Variants in NRK observed in about 807,000 individuals in gnomAD.
NRK encodes the protein Nik related kinase.
Under a neutral mutation model 125.2 loss-of-function variants are expected in NRK, and 67 were observed. That is an observed-to-expected ratio of 0.54 (90% confidence interval 0.44 to 0.66). The LOEUF is 0.66. Ranked by LOEUF, NRK falls within the 30% of genes least tolerant of loss-of-function variation. NRK has a pLI of 0.00. For missense variants in NRK, 1,224 were observed against 1,192.9 expected, an observed-to-expected ratio of 1.03 and a Z score of -0.38; for synonymous variants, 458 against 429.0, an observed-to-expected ratio of 1.07 and a Z score of -0.84.
intron 19 of NRK, among the ~76,000 whole-genome samples, chrX:105,933,321 G>C (rs989546549): frequency 9.0e-6 from 1 of 111,440 alleles, no homozygotes; most frequent in African/African-American, 3.3e-5. Context: ...AGAGGAAGTG[G>C]ATCTTCCTTT....
chrX:105,928,077 C>T (rs1299706442), intron 19 of NRK, among the ~76,000 whole-genome samples: 1 of 111,405 alleles, frequency 9.0e-6, no homozygotes, highest in Non-Finnish European at 1.9e-5. Flanking sequence ...ATTAGTTCCT[C>T]TTTAAATCTT....
chrX:105,909,797 A>G lies in NRK; in HGVS notation c.2156A>G (p.Asp719Gly), dbSNP rs2040273838. ...SWRPEKLELSDLEARRQRRQR... is the reference protein window; with the variant it reads ...SWRPEKLELSGLEARRQRRQR... ...AGACCTGAAAAGCTTGAACTCTCGG[A>G]TTTAGAAGCCCGCAGGCAAAGGCGC... Residue 719 changes from aspartate to glycine, a missense_variant, in exon 13 of 29, where the codon GAT becomes GGT. Asp to Gly is a moderately conservative substitution (Grantham distance 94). Coordinates refer to ENST00000243300, the MANE Select transcript of NRK (RefSeq NM_198465.4). 1 of 1,181,592 alleles carries G rather than the reference A, an allele frequency of 8.5e-7. No individual in the cohort carries two copies. The highest frequency in any genetic ancestry group is 1.1e-6 in the Non-Finnish European group (1 of 880,174).
chrX:105,920,673 C>T (rs1174348546), intron 16 of NRK, among the ~76,000 whole-genome samples: 1 of 109,928 alleles, frequency 9.1e-6, no homozygotes, highest in African/African-American at 3.3e-5. Flanking sequence ...GGGCGAAGGA[C>T]ATGAACAGAC....
intron 27 of NRK, among the ~76,000 whole-genome samples, chrX:105,952,607 T>C (rs1174115221): frequency 1.8e-5 from 2 of 111,741 alleles, no homozygotes; most frequent in South Asian, 3.7e-4. Flanking sequence ...TTTTTGAGAG[T>C]CAGGTTTTCA....
chrX:105,941,165 G>A (rs1265735200), intron 23 of NRK, among the ~76,000 whole-genome samples: 8 of 111,341 alleles, frequency 7.2e-5, no homozygotes, highest in Non-Finnish European at 1.5e-4. Context: ...AGTTCAGTAA[G>A]AGATAGTCAC....
intron 16 of NRK, among the ~76,000 whole-genome samples, chrX:105,921,277 A>G (rs1488755699): frequency 9.7e-6 from 1 of 102,615 alleles, no homozygotes; most frequent in Admixed American, 1.1e-4. Flanking sequence ...TGGGAATTGA[A>G]CAATGAGATC....
At chrX:105,880,713 T>C (rs982255687) in intron 3 of NRK, among the ~76,000 whole-genome samples, 3 of 111,546 alleles carry the variant, frequency 2.7e-5, no homozygotes, top group African/African-American at 9.7e-5. Flanking sequence ...GAAATGCACA[T>C]TTTTCATGTA....
At position 105,912,711 on chromosome X, in the gene NRK, A is replaced by G; in HGVS notation, c.2305A>G (p.Ile769Val). The G allele has an allele frequency of 5.3e-6, 6 of 1,125,443 alleles. No individual in the cohort carries two copies. The highest frequency in any genetic ancestry group is 6.0e-6 in the Non-Finnish European group (5 of 839,611). 92.7% of individuals were successfully genotyped at this position (1,125,443 alleles called of 1,213,427 possible). A position where few individuals can be genotyped will look rare whatever the true frequency, so the allele number is the denominator to read the frequency against. The change falls in exon 14 of 29, where the codon ATA (isoleucine) becomes GTA (valine). Residue 769 changes from isoleucine to valine, a missense_variant. Coordinates refer to ENST00000243300, the MANE Select transcript of NRK (RefSeq NM_198465.4). ...VFHSIQAEVQIEPLKPYISNP... is the reference protein window; with the variant it reads ...VFHSIQAEVQVEPLKPYISNP... ...TCATTCGATTCAGGCTGAAGTCCAG[A>G]TAGAGCCATTGAAGCCATACATTTC...
At chrX:105,902,966 C>T (rs188852980) in intron 9 of NRK, among the ~76,000 whole-genome samples, 32 of 111,358 alleles carry the variant, frequency 2.9e-4, no homozygotes, top group Middle Eastern at 4.6e-3. Context: ...CACTTGTAAA[C>T]CAGGAACCCC....
intron 2 of NRK, among the ~76,000 whole-genome samples, chrX:105,858,269 G>T (rs2039557202): frequency 9.1e-6 from 1 of 110,203 alleles, no homozygotes; most frequent in South Asian, 3.8e-4. Context: ...TGGTGATTAT[G>T]TGACTGCATG....
At chrX:105,947,106 CA>C (rs1480736622) in intron 26 of NRK, among the ~76,000 whole-genome samples, 1 of 111,585 alleles carries the variant, frequency 9.0e-6, no homozygotes, top group Non-Finnish European at 1.9e-5. Context: ...AATTTCTGAT[CA>C]AAAGATTCAG....
In NRK at chrX:105,826,281, A is replaced by AT. The variant is rs1488520938; in HGVS notation, c.57+3379_57+3380insT. 7.5e-5 allele frequency among the ~76,000 whole-genome samples: 5 copies of AT among 66,506 alleles called. No individual in the cohort carries two copies. The East Asian group carries it at 1.2e-3, about 15-fold the overall frequency. 57.8% of individuals were successfully genotyped at this position (66,506 alleles called of 115,157 possible). On this transcript the variant is annotated intron_variant, in intron 1 of 28. Transcript: ENST00000243300. ...ATATATTTCATATATAATATATATG[A>AT]AATATATATTATCATATATATAATA...
intron 8 of NRK, 116 bp from the exon 9 acceptor site, chrX:105,900,502 C>T (rs971025026): frequency 6.2e-6 from 3 of 483,330 alleles, no homozygotes; most frequent in African/African-American, 4.8e-5. Context: ...TATGGGAAAC[C>T]CATAAAAGAG....
At chrX:105,922,249 G>A (rs2147767200) in intron 17 of NRK, among the ~76,000 whole-genome samples, 188 bp downstream of exon 17, 1 of 111,795 alleles carries the variant, frequency 8.9e-6, no homozygotes, top group South Asian at 3.7e-4. Context: ...AATTGAAATG[G>A]GAAAACATTT....
At chrX:105,826,637 A>T (rs2039116590) in intron 1 of NRK, among the ~76,000 whole-genome samples, 1 of 106,888 alleles carries the variant, frequency 9.4e-6, no homozygotes, top group Non-Finnish European at 1.9e-5. Context: ...GGTTATCTGA[A>T]ATAGCACATG....
rs2040982187 is a variant in NRK, at chrX:105,956,680, GT to G, written c.*1082del. 1 of 111,700 alleles carries G rather than the reference GT, an allele frequency of 9.0e-6. No homozygotes were observed. The highest frequency in any genetic ancestry group is 3.3e-5 in the African/African-American group (1 of 30,756). The allele number at this position is 111,700 out of a possible 1,213,427, so 9.2% of individuals were successfully genotyped here. ...ATAAGTTCATGTGTAACGACTTAATGTTAAAGGTTAAAAAAAAGATTTCACA... is the reference window on the plus strand; with the variant it reads ...ATAAGTTCATGTGTAACGACTTAATGTAAAGGTTAAAAAAAAGATTTCACA... On this transcript the variant is annotated 3_prime_UTR_variant, in exon 29 of 29. Coordinates refer to ENST00000243300, the MANE Select transcript of NRK (RefSeq NM_198465.4).
intron 2 of NRK, among the ~76,000 whole-genome samples, chrX:105,860,676 C>A (rs1438190791): frequency 3.6e-5 from 4 of 110,398 alleles, no homozygotes; most frequent in African/African-American, 1.3e-4. Flanking sequence ...AAACTACTTT[C>A]TCTTAACATA....
At chrX:105,899,282 C>T (rs1320467171) in intron 8 of NRK, among the ~76,000 whole-genome samples, 1 of 111,977 alleles carries the variant, frequency 8.9e-6, no homozygotes, top group African/African-American at 3.3e-5. Context: ...TATCCATGTA[C>T]ACATTTCAAA....
intron 2 of NRK, among the ~76,000 whole-genome samples, chrX:105,837,503 CTG>C (rs1040135719): frequency 3.6e-5 from 4 of 111,529 alleles, no homozygotes; most frequent in Non-Finnish European, 7.5e-5. Context: ...CTGCTGAAGT[CTG>C]TGCACATTGA....
Sources: gnomAD v4.1 joint callset for allele counts (sites outside exome capture counted in the v4.1 genomes callset) on GRCh38, gnomAD v4.1.1 for gene constraint, MANE v1.5 for transcripts, NCBI Gene and HGNC (gene_info 2026-07-23, HGNC 2026-07-21) for gene names.